NPC1: variants seen among roughly 807,000 people sequenced by gnomAD.
The protein encoded by NPC1 is Niemann-Pick C1 protein.
Under a neutral mutation model 140.4 loss-of-function variants are expected in NPC1, and 85 were observed. The ratio of observed to expected loss-of-function variants is 0.61; its 90% CI spans 0.51 to 0.72. NPC1 has a LOEUF of 0.72. Among genes scored for constraint, NPC1 ranks in the 30% least tolerant of loss-of-function variants. The pLI, the probability that NPC1 is intolerant of heterozygous loss-of-function variation, is 0.00. For synonymous variants in NPC1, 656 were observed against 624.8 expected, an observed-to-expected ratio of 1.05 and a Z score of -0.74; for missense variants, 1,504 against 1,623.8, an observed-to-expected ratio of 0.93 and a Z score of 1.27.
Position 23,556,262 on chromosome 18 carries a change from T to G in NPC1, c.1307A>C (p.Asp436Ala), listed in dbSNP as rs2058948480. ...GGTTACCTGGTGCAGTATCTGTATG[T>G]CAAGCGGAGGTCCAAAGGGTACATC... is the stretch of plus-strand genomic sequence containing the variant. ...GADVPFGPPL[D>A]IQILHQVLDL... is the part of the protein sequence containing the mutation. The change falls in exon 8 of 25, where the codon GAC becomes GCC. Residue 436 changes from aspartate to alanine, a missense_variant. By Grantham distance (126) the Asp-to-Ala change is moderately radical (BLOSUM62 -2). Transcript: ENST00000269228. 28 of 1,613,994 alleles carry G rather than the reference T, an allele frequency of 1.7e-5. No individual in the cohort carries two copies. Among genetic ancestry groups the G allele is most frequent in the Non-Finnish European group, 2.1e-5 (25 of 1,180,020 alleles).
downstream of NPC1, among the ~76,000 whole-genome samples, chr18:23,526,302 C>T (rs1040357914): frequency 3.9e-5 from 6 of 152,124 alleles, no homozygotes; most frequent in East Asian, 1.9e-4. Context: ...CTATTTTAAA[C>T]GTTAAAAGAG....
At chr18:23,547,950 A>AGAT (rs2058812219) in intron 11 of NPC1, 56 bp downstream of exon 11, 1 of 1,015,432 alleles carries the variant, frequency 9.8e-7, no homozygotes, top group South Asian at 1.3e-5. Flanking sequence ...GCTTGCCGCA[A>AGAT]GTGTCTAGCT....
At chr18:23,523,237 C>T (rs2058191101) in intron 1 of NPC1, among the ~76,000 whole-genome samples, 1 of 152,058 alleles carries the variant, frequency 6.6e-6, no homozygotes. Context: ...CTGATTGTAC[C>T]TGGGTAATTG....
intron 1 of NPC1, among the ~76,000 whole-genome samples, chr18:23,574,072 C>A (rs1455684213): frequency 6.6e-6 from 1 of 152,204 alleles, no homozygotes; most frequent in African/African-American, 2.4e-5. Flanking sequence ...GAATGAACTT[C>A]CTGTCCTTGA....
rs879174633 is a variant in NPC1, at chr18:23,544,943, A to G, written c.1947+17T>C. The G allele has an allele frequency of 2.9e-6, 3 of 1,042,308 alleles. No homozygotes were observed. The highest frequency in any genetic ancestry group is 4.2e-6 in the Non-Finnish European group (3 of 717,080). The allele number at this position is 1,042,308 out of a possible 1,614,324, so 64.6% of individuals were successfully genotyped here. ...GCTGTTAACCTCTAGAACATACACC[A>G]CCCCCCCCCGGCTTACCAGAAGCCT... On this transcript the variant is annotated intron_variant, in intron 12 of 24. Coordinates refer to ENST00000269228, the MANE Select transcript of NPC1 (RefSeq NM_000271.5).
At chr18:23,576,290 A>C (rs891090163) in intron 1 of NPC1, among the ~76,000 whole-genome samples, 2 of 152,130 alleles carry the variant, frequency 1.3e-5, no homozygotes, top group Non-Finnish European at 2.9e-5. Flanking sequence ...GCCTAGTGGC[A>C]CATGCCCATA....
chr18:23,516,141 C>T (rs989917405), intron 3 of NPC1: 18 of 1,360,218 alleles, frequency 1.3e-5, no homozygotes, highest in Non-Finnish European at 1.6e-5. Flanking sequence ...TCTGTATACC[C>T]GTCAGCTCCT....
intron 19 of NPC1, 66 bp from the exon 20 acceptor site, chr18:23,538,737 A>G: frequency 6.5e-7 from 1 of 1,541,376 alleles, no homozygotes; most frequent in Non-Finnish European, 8.9e-7. Context: ...AAAACATTTT[A>G]AAATACTGAC....
intron 3 of NPC1, among the ~76,000 whole-genome samples, chr18:23,512,067 C>T (rs750809001): frequency 6.9e-6 from 1 of 145,080 alleles, no homozygotes; most frequent in Non-Finnish European, 1.5e-5. Context: ...GTCGCCCAGG[C>T]TGGAGTGCAA....
intron 16 of NPC1, 80 bp from the exon 17 acceptor site, chr18:23,540,617 C>T (rs1038893947): frequency 1.7e-5 from 18 of 1,058,724 alleles, no homozygotes; most frequent in Non-Finnish European, 1.7e-5. Flanking sequence ...TAAGCACACA[C>T]AAAAAGCAGG....
At chr18:23,530,601 A>G, downstream of NPC1, 2 of 1,613,670 alleles carry the variant, frequency 1.2e-6, no homozygotes, top group South Asian at 1.1e-5. Flanking sequence ...GGGAGCCCCA[A>G]TTTCACACCA....
intron 10 of NPC1, among the ~76,000 whole-genome samples, chr18:23,548,749 T>C (rs190717682): frequency 2.6e-5 from 4 of 152,294 alleles, no homozygotes; most frequent in African/African-American, 9.6e-5. Flanking sequence ...TTTTAATGTG[T>C]AAAACACATA....
intron 9 of NPC1, among the ~76,000 whole-genome samples, chr18:23,552,370 G>GAGCCACCA (rs1210136812): frequency 2.0e-5 from 3 of 152,240 alleles, no homozygotes; most frequent in African/African-American, 7.2e-5. Flanking sequence ...GCTCCTGAAG[G>GAGCCACCA]AGGGGGCCAG....
intron 1 of NPC1, 34 bp from the exon 2 acceptor site, chr18:23,573,608 A>G (rs777527465): frequency 6.2e-7 from 1 of 1,614,006 alleles, no homozygotes; most frequent in Non-Finnish European, 8.5e-7. Flanking sequence ...CAGTGTTACC[A>G]GGGTCTCAAT....
At chr18:23,544,883 T>C (rs926795131) in intron 12 of NPC1, 77 bp downstream of exon 12, 2 of 1,088,938 alleles carry the variant, frequency 1.8e-6, no homozygotes, top group Non-Finnish European at 2.8e-6. Context: ...GGAATAAGAA[T>C]AAAGAGGCAA....
Position 23,531,869 on chromosome 18 carries a change from GAC to G in NPC1, c.*331_*332del. The G allele has an allele frequency of 1.4e-6, 2 of 1,447,998 alleles. No individual in the cohort carries two copies. The highest frequency in any genetic ancestry group is 1.8e-6 in the Non-Finnish European group (2 of 1,108,406). The allele number at this position is 1,447,998 out of a possible 1,614,324, so 89.7% of individuals were successfully genotyped here. A position where few individuals can be genotyped will look rare whatever the true frequency, so the allele number is the denominator to read the frequency against. On this transcript the variant is annotated 3_prime_UTR_variant, in exon 25 of 25. Coordinates refer to ENST00000269228, the MANE Select transcript of NPC1 (RefSeq NM_000271.5). The stretch of plus-strand genomic sequence containing the variant: ...TGGCTTACTCCTAAAAGGAGAGACA[GAC>G]AGTGCATTGATTGGCCTTTACAGAG...
chr18:23,564,303 T>C (rs1259688315), intron 4 of NPC1, among the ~76,000 whole-genome samples: 1 of 152,184 alleles, frequency 6.6e-6, no homozygotes, highest in Non-Finnish European at 1.5e-5. Flanking sequence ...TTATGTATTC[T>C]AGATACAAGT....
At chr18:23,538,208 G>C (rs940788186) in intron 20 of NPC1, among the ~76,000 whole-genome samples, 1 of 152,176 alleles carries the variant, frequency 6.6e-6, no homozygotes, top group Non-Finnish European at 1.5e-5. Context: ...AACAGGCCAA[G>C]TTCCTTCAGG....
intron 6 of NPC1, among the ~76,000 whole-genome samples, chr18:23,559,793 T>C (rs2059011217): frequency 6.6e-6 from 1 of 152,064 alleles, no homozygotes; most frequent in African/African-American, 2.4e-5. Context: ...CTACTAAAAA[T>C]ACAAAAATTA....
Sources: allele counts gnomAD v4.1 joint callset (sites outside exome capture counted in the v4.1 genomes callset), GRCh38; gene constraint gnomAD v4.1.1; transcripts MANE v1.5; gene names NCBI Gene and HGNC (gene_info 2026-07-23, HGNC 2026-07-21).